BTBD9: variants seen among roughly 807,000 people sequenced by gnomAD.
BTBD9 encodes the protein BTB/POZ domain-containing protein 9.
BTBD9 carries 49 observed loss-of-function variants against 64.3 expected under a neutral mutation model. The ratio of observed to expected loss-of-function variants is 0.76; its 90% CI spans 0.61 to 0.97. The LOEUF is 0.97. Among genes scored for constraint, BTBD9 ranks in the 50% least tolerant of loss-of-function variants. The probability of loss-of-function intolerance (pLI) is 0.00; values close to 1 mark genes in which losing one functional copy is unlikely to be tolerated. For missense variants in BTBD9, 598 were observed against 762.1 expected, an observed-to-expected ratio of 0.78 and a Z score of 2.53; for synonymous variants, 260 against 274.7, an observed-to-expected ratio of 0.95 and a Z score of 0.53.
At chr6:38,343,098 C>T (rs939690752) in intron 7 of BTBD9, among the ~76,000 whole-genome samples, 5 of 152,208 alleles carry the variant, frequency 3.3e-5, no homozygotes, top group Non-Finnish European at 5.9e-5. Context: ...TTACAGTGCT[C>T]TTTGCAGTCA....
At chr6:38,321,141 T>C (rs1763217345) in intron 7 of BTBD9, among the ~76,000 whole-genome samples, 1 of 152,218 alleles carries the variant, frequency 6.6e-6, no homozygotes, top group Admixed American at 6.5e-5. Context: ...ACAGTCTGCC[T>C]TTTACAATCG....
At chr6:38,498,041 T>C (rs536983441) in intron 6 of BTBD9, among the ~76,000 whole-genome samples, 2 of 152,360 alleles carry the variant, frequency 1.3e-5, no homozygotes, top group South Asian at 4.1e-4. Flanking sequence ...GTTGGCTTTA[T>C]GGAAACAATA....
intron 1 of BTBD9, among the ~76,000 whole-genome samples, chr6:38,630,692 G>A (rs969869817): frequency 2.6e-5 from 4 of 152,194 alleles, no homozygotes; most frequent in Non-Finnish European, 5.9e-5. Flanking sequence ...TTAGGGGTCA[G>A]GATAGTGAAA....
intron 6 of BTBD9, among the ~76,000 whole-genome samples, chr6:38,403,331 A>G (rs1442189160): frequency 6.6e-6 from 1 of 151,178 alleles, no homozygotes. Flanking sequence ...TTATATACAT[A>G]TGTATATCTT....
At chr6:38,588,895 G>A (rs1157806887) in intron 4 of BTBD9, among the ~76,000 whole-genome samples, 7 of 152,074 alleles carry the variant, frequency 4.6e-5, no homozygotes, top group Admixed American at 6.5e-5. Context: ...TTTAGAATAC[G>A]ACTAGATGTC....
chr6:38,351,298 G>GCTA (rs1230218039), intron 6 of BTBD9, among the ~76,000 whole-genome samples: 4 of 152,148 alleles, frequency 2.6e-5, no homozygotes, highest in Non-Finnish European at 4.4e-5. Flanking sequence ...GCAGCCTGAT[G>GCTA]CTATCTGACC....
intron 6 of BTBD9, among the ~76,000 whole-genome samples, chr6:38,381,604 TAAAG>T (rs1254955132): frequency 6.6e-6 from 1 of 152,124 alleles, no homozygotes; most frequent in African/African-American, 2.4e-5. Flanking sequence ...AACATGAACA[TAAAG>T]AGAATAATGT....
chr6:38,443,815 A>G (rs1421208360), intron 6 of BTBD9, among the ~76,000 whole-genome samples: 3 of 152,180 alleles, frequency 2.0e-5, no homozygotes, highest in Admixed American at 6.5e-5. Flanking sequence ...CAAAATTACT[A>G]AACAGTCTCC....
intron 1 of BTBD9, among the ~76,000 whole-genome samples, chr6:38,602,365 T>C (rs546247279): frequency 1.0e-3 from 156 of 152,166 alleles, no homozygotes; most frequent in African/African-American, 3.6e-3. Context: ...GGTATGTCTA[T>C]ACAATGAAAT....
rs540397588 is a variant in BTBD9, at chr6:38,525,516, G to A, written c.1154+52084C>T. On this transcript the variant is annotated intron_variant, in intron 6 of 10. Transcript: ENST00000481247. ...CCACTTTGGAACTGGGTAACAGGCA[G>A]AGACTGGAACAATTTGGAGGGCTCA... Among the ~76,000 whole-genome samples the A allele has an allele frequency of 3.9e-5, 6 of 152,352 alleles. No individual in the cohort carries two copies. The South Asian group carries it at 1.2e-3, about 32-fold the overall frequency.
chr6:38,232,963 G>A (rs1008412130), intron 9 of BTBD9, among the ~76,000 whole-genome samples: 19 of 152,176 alleles, frequency 1.2e-4, no homozygotes, highest in African/African-American at 4.6e-4. Context: ...CACCCACTGA[G>A]GAGCTGGGCC....
At chr6:38,625,450 C>A (rs956805804) in intron 1 of BTBD9, among the ~76,000 whole-genome samples, 2 of 152,142 alleles carry the variant, frequency 1.3e-5, no homozygotes, top group African/African-American at 4.8e-5. Context: ...TGTCACCAAG[C>A]CTATTTACTT....
At chr6:38,202,540 A>T (rs1335295954) in intron 9 of BTBD9, among the ~76,000 whole-genome samples, 5 of 152,238 alleles carry the variant, frequency 3.3e-5, no homozygotes, top group Admixed American at 3.3e-4. Context: ...AGGCTATAGT[A>T]ATCAAAACAG....
intron 9 of BTBD9, among the ~76,000 whole-genome samples, chr6:38,198,569 G>T (rs1326055954): frequency 6.6e-6 from 1 of 152,166 alleles, no homozygotes; most frequent in East Asian, 1.9e-4. Flanking sequence ...AGGGTGCCTA[G>T]TCTTCTTGAA....
chr6:38,330,053 C>CTT (rs147264863), intron 7 of BTBD9, among the ~76,000 whole-genome samples: 6 of 150,426 alleles, frequency 4.0e-5, no homozygotes, highest in South Asian at 2.1e-4. Flanking sequence ...TTTTTCTTTT[C>CTT]TTTTTTTTTG....
chr6:38,342,779 T>A lies in BTBD9; in HGVS notation c.1264+2205A>T, dbSNP rs147002480. 4.3e-3 allele frequency among the ~76,000 whole-genome samples: 656 copies of A among 152,194 alleles called. 5 individuals carry two copies. Among genetic ancestry groups the A allele is most frequent in the Middle Eastern group, 0.041 (12 of 294 alleles). On this transcript the variant is annotated intron_variant, in intron 7 of 10. Coordinates refer to ENST00000481247, the MANE Select transcript of BTBD9 (RefSeq NM_001099272.2). ...GAGGACCTGTCAAGGACCAGTAGGG[T>A]GACTGGCCAAGGCCTGTGTGCTGCT...
chr6:38,362,189 A>G (rs1344988464), intron 6 of BTBD9, among the ~76,000 whole-genome samples: 4 of 152,318 alleles, frequency 2.6e-5, no homozygotes, highest in African/African-American at 9.6e-5. Flanking sequence ...TATTTTATGT[A>G]ATTTCTCTTG....
At chr6:38,279,221 A>G (rs895668777) in intron 8 of BTBD9, among the ~76,000 whole-genome samples, 1 of 152,116 alleles carries the variant, frequency 6.6e-6, no homozygotes, top group African/African-American at 2.4e-5. Context: ...GTAGATATAC[A>G]AGCATGTTTT....
chr6:38,209,613 G>A (rs1344466605), intron 9 of BTBD9, among the ~76,000 whole-genome samples: 1 of 152,164 alleles, frequency 6.6e-6, no homozygotes, highest in African/African-American at 2.4e-5. Flanking sequence ...AAACCTCTGG[G>A]GGGGTGGGCC....
Sources: gnomAD v4.1 joint callset for allele counts (sites outside exome capture counted in the v4.1 genomes callset) on GRCh38, gnomAD v4.1.1 for gene constraint, MANE v1.5 for transcripts, NCBI Gene and HGNC (gene_info 2026-07-23, HGNC 2026-07-21) for gene names.